Variants in ZBED4 observed in about 807,000 individuals in gnomAD.
ZBED4 encodes zinc finger BED-type containing 4.
Under a neutral mutation model 15.5 loss-of-function variants are expected in ZBED4, and 4 were observed. The ratio of observed to expected loss-of-function variants is 0.26; its 90% CI spans 0.13 to 0.59. ZBED4 has a LOEUF of 0.59. Ranked by LOEUF, ZBED4 falls within the 20% of genes least tolerant of loss-of-function variation. The pLI is 0.90. For synonymous variants in ZBED4, 692 were observed against 608.5 expected (o/e 1.14, Z -2.02); for missense variants, 1,323 against 1,461.8 (o/e 0.91, Z 1.55).
intron 1 of ZBED4, among the ~76,000 whole-genome samples, chr22:49,860,215 C>G (rs2060290882): frequency 1.3e-5 from 2 of 152,272 alleles, no homozygotes; most frequent in Admixed American, 1.3e-4. Context: ...GGGAGGATCA[C>G]TTGAGCCTGG....
At chr22:49,862,686 GTTTTTCCTT>G (rs1189775869) in intron 1 of ZBED4, among the ~76,000 whole-genome samples, 1 of 114,764 alleles carries the variant, frequency 8.7e-6, no homozygotes, top group African/African-American at 3.7e-5. Context: ...TATTAGTTAA[GTTTTTCCTT>G]TTTTTTTTTT....
At position 49,884,809 on chromosome 22, in the gene ZBED4, T is replaced by A; in HGVS notation, c.1147T>A (p.Ser383Thr). The change falls in exon 2 of 2, where the codon TCC becomes ACC. Residue 383 changes from serine (S) to threonine (T), a missense_variant. Around this residue, in one of 6 missense-constraint regions of ZBED4, gnomAD observed 429 missense variants for 397.9 expected, o/e 1.08. Coordinates refer to ENST00000216268, the MANE Select transcript of ZBED4 (RefSeq NM_014838.3). Reference sequence around the variant, plus strand: ...GTCTCCAGTAAAGCCGGTCAGAGAGTCCCCTTCGGCCTCCTCCTCCCCTGA... The same window carrying A: ...GTCTCCAGTAAAGCCGGTCAGAGAGACCCCTTCGGCCTCCTCCTCCCCTGA... Reference protein sequence around the residue: ...SSSPVKPVRESPSASSSPDRL... With the variant: ...SSSPVKPVRETPSASSSPDRL... 6.2e-7 allele frequency: 1 copy of A among 1,609,720 alleles called. No homozygotes were observed.
chr22:49,886,422 G>T lies in ZBED4; in HGVS notation c.2760G>T (p.Glu920Asp). ...TGTCCGTCGAGTGTAACTTCCGAGA[G>T]CTGATCAGCTGCGACCAGTGGGAGG... Reference protein sequence around the residue: ...NEMSVECNFRELISCDQWEVM... With the variant: ...NEMSVECNFRDLISCDQWEVM... Residue 920 changes from glutamate to aspartate, a missense_variant, in exon 2 of 2, where the codon GAG becomes GAT. By Grantham distance (45) the Glu-to-Asp change is conservative (BLOSUM62 2). This residue lies in a region of ZBED4 where 312 missense variants were observed against 410.7 expected (regional missense o/e 0.76). Transcript: ENST00000216268. The surrounding 1 kb of genome is among the most constrained non-coding windows in gnomAD (Gnocchi z 7.7). The T allele has an allele frequency of 6.3e-7, 1 of 1,594,014 alleles. No homozygotes were observed. Among genetic ancestry groups the T allele is most frequent in the Admixed American group, 1.7e-5 (1 of 58,092 alleles).
At chr22:49,873,244 A>G (rs1012629647) in intron 1 of ZBED4, among the ~76,000 whole-genome samples, 5 of 152,298 alleles carry the variant, frequency 3.3e-5, no homozygotes, top group African/African-American at 1.2e-4. Context: ...AATCATTTCT[A>G]TCTTTTGAAA....
At chr22:49,857,455 G>A (rs2060279272) in intron 1 of ZBED4, among the ~76,000 whole-genome samples, 1 of 152,198 alleles carries the variant, frequency 6.6e-6, no homozygotes, top group African/African-American at 2.4e-5. Flanking sequence ...CGTGGTCGCT[G>A]GCTTGCTCTG....
chr22:49,860,860 C>T (rs1221595307), intron 1 of ZBED4, among the ~76,000 whole-genome samples: 1 of 151,052 alleles, frequency 6.6e-6, no homozygotes, highest in Non-Finnish European at 1.5e-5. Flanking sequence ...CTCACTGCAT[C>T]CTCGGCCTTC....
chr22:49,873,966 G>A (rs1048300318), intron 1 of ZBED4, among the ~76,000 whole-genome samples: 3 of 152,224 alleles, frequency 2.0e-5, no homozygotes, highest in African/African-American at 7.2e-5. Context: ...GGACATTCCC[G>A]GGGAGCTGGC....
In ZBED4 at chr22:49,883,722, A is replaced by G. The variant is rs144101317; in HGVS notation, c.60A>G (p.Ile20Met). ...ACGGTGATTTCGTTTCTGATAAAAT[A>G]AAGTTTAAAATAGAAGAGGAAGATG... ...KEDGDFVSDK[I>M]KFKIEEEDDD... The change falls in exon 2 of 2, where the codon ATA (isoleucine) becomes ATG (methionine). Residue 20 changes from isoleucine (I) to methionine (M), a missense_variant. Physicochemically the swap from Ile to Met is conservative, Grantham distance 10. Transcript: ENST00000216268. The G allele has an allele frequency of 1.2e-6, 2 of 1,607,514 alleles. No homozygotes were observed. The highest frequency in any genetic ancestry group is 2.7e-5 in the African/African-American group (2 of 74,682).
At position 49,884,615 on chromosome 22, in the gene ZBED4, A is replaced by G; in HGVS notation, c.953A>G (p.Asn318Ser). The change falls in exon 2 of 2, where the codon AAT (asparagine) becomes AGT (serine). Residue 318 changes from asparagine to serine, a missense_variant. Physicochemically the swap from Asn to Ser is conservative, Grantham distance 46. Transcript: ENST00000216268. ...ATGAACGAGTTCAGCCGGGGGAAGA[A>G]TGGGAAGGACCTGGGCACGAGCTGC... ...HCMNEFSRGK[N>S]GKDLGTSCLI... 6.2e-7 allele frequency: 1 copy of G among 1,612,866 alleles called. No individual in the cohort carries two copies. Among genetic ancestry groups the G allele is most frequent in the South Asian group, 1.1e-5 (1 of 90,908 alleles).
Position 49,883,929 on chromosome 22 carries a change from G to C in ZBED4, c.267G>C (p.Gln89His). 6.2e-7 allele frequency: 1 copy of C among 1,612,836 alleles called. No homozygotes were observed. The highest frequency in any genetic ancestry group is 1.1e-5 in the South Asian group (1 of 90,994). ...ATGACTATGGCGCGCTGTTCTCCCA[G>C]TACAGCAGCACCCTATACGACGTGG... Reference protein sequence around the residue: ...SEDDYGALFSQYSSTLYDVAM... With the variant: ...SEDDYGALFSHYSSTLYDVAM... Residue 89 changes from glutamine to histidine, a missense_variant, in exon 2 of 2, where the codon CAG becomes CAC. Physicochemically the swap from Gln to His is conservative, Grantham distance 24 (BLOSUM62 0). Transcript: ENST00000216268.
At chr22:49,862,004 G>T (rs977382985) in intron 1 of ZBED4, among the ~76,000 whole-genome samples, 1 of 152,188 alleles carries the variant, frequency 6.6e-6, no homozygotes, top group Non-Finnish European at 1.5e-5. Context: ...CCAACAGAGG[G>T]CATTACTAAG....
At chr22:49,857,785 CT>C (rs2060280643) in intron 1 of ZBED4, among the ~76,000 whole-genome samples, 1 of 152,174 alleles carries the variant, frequency 6.6e-6, no homozygotes, top group South Asian at 2.1e-4. Context: ...GAGATGGAAT[CT>C]TGCTCTGTCA....
rs1388205949 is a variant in ZBED4, at chr22:49,883,474, A to G, written c.-189A>G. 2.7e-6 allele frequency: 2 copies of G among 742,808 alleles called. No individual in the cohort carries two copies. Among genetic ancestry groups the G allele is most frequent in the Non-Finnish European group, 4.0e-6 (2 of 495,330 alleles). 46.0% of individuals were successfully genotyped at this position (742,808 alleles called of 1,614,324 possible). On this transcript the variant is annotated 5_prime_UTR_variant, in exon 2 of 2. The change abolishes an upstream ATG in the 5' untranslated region. Transcript: ENST00000216268. ...CAGGACTCTTGGAAAGCAGTGATCT[A>G]TGCTGTAAGACCATGAGTCACAGAT...
chr22:49,885,038 C>T lies in ZBED4; in HGVS notation c.1376C>T (p.Ser459Leu), dbSNP rs1332089340. ...QNKKVMKRLK[S>L]EVWHHFSLAP... Reference sequence around the variant, plus strand: ...AAAAAGGTCATGAAAAGACTGAAGTCGGAGGTCTGGCATCACTTCTCCCTG... The same window carrying T: ...AAAAAGGTCATGAAAAGACTGAAGTTGGAGGTCTGGCATCACTTCTCCCTG... Residue 459 changes from serine (S) to leucine (L), a missense_variant, in exon 2 of 2, where the codon TCG (serine) becomes TTG (leucine). By Grantham distance (145) the Ser-to-Leu change is moderately radical. Transcript: ENST00000216268. 8 of 1,612,136 alleles carry T rather than the reference C, an allele frequency of 5.0e-6. No individual in the cohort carries two copies. Among genetic ancestry groups the T allele is most frequent in the South Asian group, 1.1e-5 (1 of 90,864 alleles).
At chr22:49,854,922 A>G (rs949504459) in intron 1 of ZBED4, among the ~76,000 whole-genome samples, 9 of 152,246 alleles carry the variant, frequency 5.9e-5, no homozygotes, top group African/African-American at 1.7e-4. Flanking sequence ...CTTTTTACAC[A>G]GAAATGTTTT....
chr22:49,882,010 C>T (rs552467050), intron 1 of ZBED4, among the ~76,000 whole-genome samples: 1 of 152,276 alleles, frequency 6.6e-6, no homozygotes, highest in South Asian at 2.1e-4. Flanking sequence ...TGGCTTAAGC[C>T]TGTTTCCCCA....
rs565400850 is a variant in ZBED4, at chr22:49,873,303, G to A, written c.-329-10031G>A. On this transcript the variant is annotated intron_variant, in intron 1 of 1. Transcript: ENST00000216268. Reference sequence around the variant, plus strand: ...CACTTGAACATGTAGAGGATTAATCGGCCTAATTCTAATTTCTCGTGTGTC... The same window carrying A: ...CACTTGAACATGTAGAGGATTAATCAGCCTAATTCTAATTTCTCGTGTGTC... 6.6e-5 allele frequency among the ~76,000 whole-genome samples: 10 copies of A among 152,240 alleles called. No individual in the cohort carries two copies. In the South Asian group the frequency reaches 1.7e-3, roughly 25 times the overall value.
At chr22:49,854,341 C>G (rs1289879826) in intron 1 of ZBED4, among the ~76,000 whole-genome samples, 2 of 151,052 alleles carry the variant, frequency 1.3e-5, no homozygotes, top group African/African-American at 4.9e-5. Context: ...AGCGCGCTGT[C>G]CCGGCCACGT....
chr22:49,872,743 C>T (rs191677594), intron 1 of ZBED4, among the ~76,000 whole-genome samples: 11 of 151,420 alleles, frequency 7.3e-5, no homozygotes, highest in Non-Finnish European at 1.2e-4. Context: ...CTCACTCCAT[C>T]GCCCAGGCTG....
Sources: allele counts gnomAD v4.1 joint callset (sites outside exome capture counted in the v4.1 genomes callset), GRCh38; gene constraint gnomAD v4.1.1; regional missense constraint gnomAD v4.1.1; non-coding constraint Gnocchi (gnomAD v3.1); transcripts MANE v1.5; gene names NCBI Gene and HGNC (gene_info 2026-07-23, HGNC 2026-07-21).